The following SDK1 variants were observed in gnomAD, a reference collection of about 807,000 sequenced individuals.
SDK1 encodes the protein sidekick cell adhesion molecule 1.
SDK1 carries 157 observed loss-of-function variants against 245.5 expected under a neutral mutation model. The observed-to-expected ratio is 0.64, with a 90% CI of 0.56 to 0.73. The LOEUF (loss-of-function observed/expected upper bound fraction) is 0.73, where lower values mean the gene tolerates loss of function less well. SDK1 is among the 30% of genes least tolerant of loss of function. SDK1 has a pLI of 0.00. For synonymous variants in SDK1, 1,647 were observed against 1,278.5 expected, an observed-to-expected ratio of 1.29 and a Z score of -6.15; for missense variants, 3,583 against 3,002.3, an observed-to-expected ratio of 1.19 and a Z score of -4.52.
chr7:4,190,900 A>C (rs1267731221), intron 35 of SDK1, among the ~76,000 whole-genome samples: 1 of 152,118 alleles, frequency 6.6e-6, no homozygotes, highest in Non-Finnish European at 1.5e-5. Flanking sequence ...GCTGGGCCGG[A>C]GGGTGGAGGG....
chr7:3,628,952 T>C (rs775805058), intron 2 of SDK1, among the ~76,000 whole-genome samples: 2 of 151,922 alleles, frequency 1.3e-5, no homozygotes, highest in Non-Finnish European at 2.9e-5. Context: ...GCTGAGAGTT[T>C]GGAAAGATCA....
intron 5 of SDK1, among the ~76,000 whole-genome samples, chr7:3,916,815 T>G (rs1414289949): frequency 6.6e-6 from 1 of 152,242 alleles, no homozygotes; most frequent in Non-Finnish European, 1.5e-5. Flanking sequence ...AAATTGTAGA[T>G]TATTAATTGA....
intron 5 of SDK1, among the ~76,000 whole-genome samples, chr7:3,851,780 C>T (rs896387143): frequency 3.3e-5 from 5 of 152,096 alleles, no homozygotes; most frequent in African/African-American, 1.2e-4. Flanking sequence ...AAGAATTGGA[C>T]ATTGAAGCTA....
intron 35 of SDK1, among the ~76,000 whole-genome samples, chr7:4,201,558 A>G (rs1465009293): frequency 6.6e-6 from 1 of 152,258 alleles, no homozygotes; most frequent in Non-Finnish European, 1.5e-5. Context: ...CAGTCAGTCA[A>G]TGGGCTACAG....
chr7:3,986,026 G>C (rs1783804345), intron 13 of SDK1, among the ~76,000 whole-genome samples: 1 of 152,024 alleles, frequency 6.6e-6, no homozygotes. Context: ...CGTTTATGGA[G>C]GGGCAGCCAT....
chr7:4,036,600 T>C (rs769170277), intron 17 of SDK1, among the ~76,000 whole-genome samples: 20 of 152,218 alleles, frequency 1.3e-4, no homozygotes, highest in Non-Finnish European at 2.8e-4. Context: ...TAAATATTAG[T>C]GTCCCTCCAA....
chr7:3,334,317 C>G (rs1583697761), intron 1 of SDK1, among the ~76,000 whole-genome samples: 1 of 152,206 alleles, frequency 6.6e-6, no homozygotes, highest in African/African-American at 2.4e-5. Flanking sequence ...AGCAGCAGTT[C>G]TCATTCTACG....
intron 4 of SDK1, among the ~76,000 whole-genome samples, chr7:3,699,778 G>A (rs897135900): frequency 2.3e-4 from 35 of 152,120 alleles, no homozygotes; most frequent in Non-Finnish European, 3.5e-4. Flanking sequence ...TGGCAAATTC[G>A]TTGAAGAATT....
chr7:3,605,588 C>G (rs914420688), intron 1 of SDK1, among the ~76,000 whole-genome samples: 2 of 152,094 alleles, frequency 1.3e-5, no homozygotes, highest in African/African-American at 4.8e-5. Context: ...ACATTTTTCT[C>G]TCTTGAATAA....
chr7:3,884,566 A>G (rs1244783838), intron 5 of SDK1, among the ~76,000 whole-genome samples: 1 of 152,120 alleles, frequency 6.6e-6, no homozygotes, highest in East Asian at 1.9e-4. Context: ...TAACTTTATT[A>G]TTATTTACCA....
At chr7:3,653,144 A>C (rs1054085799) in intron 4 of SDK1, among the ~76,000 whole-genome samples, 28 of 152,156 alleles carry the variant, frequency 1.8e-4, no homozygotes, top group African/African-American at 6.3e-4. Flanking sequence ...GAATCAGCGA[A>C]TGCTTGAGTG....
In SDK1 at chr7:3,430,519, C is replaced by T. The variant is rs904507074; in HGVS notation, c.298+128635C>T. On this transcript the variant is annotated intron_variant, in intron 1 of 44. Transcript: ENST00000404826. The stretch of plus-strand genomic sequence containing the variant: ...GAGGTCACTTGAAACAAGCTTCCTC[C>T]TGCTCGTCAGCTTCATTCCTCTCTT... 3.3e-5 allele frequency among the ~76,000 whole-genome samples: 5 copies of T among 152,178 alleles called. No individual in the cohort carries two copies. The East Asian group carries it at 9.6e-4, about 29-fold the overall frequency.
At chr7:4,242,597 C>A (rs1476970345) in intron 43 of SDK1, among the ~76,000 whole-genome samples, 2 of 152,040 alleles carry the variant, frequency 1.3e-5, no homozygotes, top group Non-Finnish European at 2.9e-5. Flanking sequence ...AAGGAAAAAC[C>A]CAAACACCTG....
chr7:4,152,293 G>A (rs898983388), intron 30 of SDK1, among the ~76,000 whole-genome samples: 1 of 152,206 alleles, frequency 6.6e-6, no homozygotes, highest in Non-Finnish European at 1.5e-5. Flanking sequence ...TCCAGAGGAA[G>A]GCACTCCTAG....
chr7:3,940,696 C>A (rs1780329976), intron 5 of SDK1, among the ~76,000 whole-genome samples: 1 of 152,112 alleles, frequency 6.6e-6, no homozygotes, highest in Non-Finnish European at 1.5e-5. Flanking sequence ...TGGCAGGCGC[C>A]TGTAATCCCA....
intron 1 of SDK1, among the ~76,000 whole-genome samples, chr7:3,551,130 A>G (rs1289557594): frequency 1.3e-5 from 2 of 151,986 alleles, no homozygotes; most frequent in Non-Finnish European, 2.9e-5. Context: ...GTTCTTTTGT[A>G]TTTTGTTTAT....
chr7:3,931,567 C>T (rs10227007), intron 5 of SDK1, among the ~76,000 whole-genome samples: 2 of 151,960 alleles, frequency 1.3e-5, no homozygotes, highest in Admixed American at 6.6e-5. Context: ...AATAATTTTG[C>T]GGGAAATCCT....
At chr7:3,620,716 C>T (rs1262818389) in intron 2 of SDK1, among the ~76,000 whole-genome samples, 2 of 152,128 alleles carry the variant, frequency 1.3e-5, no homozygotes, top group African/African-American at 4.8e-5. Context: ...CAATCAGGAG[C>T]AGGCGGCTGA....
chr7:3,984,704 C>T (rs1024166276), intron 13 of SDK1, among the ~76,000 whole-genome samples: 1 of 152,174 alleles, frequency 6.6e-6, no homozygotes, highest in African/African-American at 2.4e-5. Context: ...AGCTGCCTGG[C>T]TCCTCGAGCC....
Sources: allele counts gnomAD v4.1 joint callset (sites outside exome capture counted in the v4.1 genomes callset), GRCh38; gene constraint gnomAD v4.1.1; transcripts MANE v1.5; gene names NCBI Gene and HGNC (gene_info 2026-07-23, HGNC 2026-07-21).